ZNF385D: variants seen among roughly 807,000 people sequenced by gnomAD.
The protein encoded by ZNF385D is zinc finger protein 385D.
ZNF385D carries 15 observed loss-of-function variants against 35.8 expected under a neutral mutation model. That is an observed-to-expected ratio of 0.42 (90% CI 0.28 to 0.64). The LOEUF is 0.64. Ranked by LOEUF, ZNF385D falls within the 30% of genes least tolerant of loss-of-function variation. The pLI is 0.23. For synonymous variants in ZNF385D, 212 were observed against 186.8 expected, an observed-to-expected ratio of 1.13 and a Z score of -1.10; for missense variants, 474 against 494.6, an observed-to-expected ratio of 0.96 and a Z score of 0.39.
chr3:21,571,716 G>A (rs1206258622), intron 2 of ZNF385D, among the ~76,000 whole-genome samples: 1 of 152,060 alleles, frequency 6.6e-6, no homozygotes, highest in Non-Finnish European at 1.5e-5. Flanking sequence ...GGGCTCCCAT[G>A]CCCCCAACAG....
intron 3 of ZNF385D, chr3:22,133,903 G>T (rs1266327386): frequency 6.6e-6 from 1 of 150,478 alleles, no homozygotes; most frequent in Non-Finnish European, 1.5e-5. Flanking sequence ...AGATAATATT[G>T]CCAGAAAAAA....
At chr3:21,555,211 TGTA>T (rs1326027003) in intron 3 of ZNF385D, among the ~76,000 whole-genome samples, 3 of 147,152 alleles carry the variant, frequency 2.0e-5, no homozygotes, top group East Asian at 2.1e-4. Context: ...TACAGGCAAT[TGTA>T]GTTTTTTTTT....
At chr3:21,602,511 C>A (rs1340678165) in intron 2 of ZNF385D, among the ~76,000 whole-genome samples, 1 of 93,056 alleles carries the variant, frequency 1.1e-5, no homozygotes, top group African/African-American at 4.4e-5. Flanking sequence ...TGTTTCCCTG[C>A]ATTTTCTTTT....
chr3:21,754,699 CT>C (rs1036134985), upstream of ZNF385D, among the ~76,000 whole-genome samples: 2 of 151,974 alleles, frequency 1.3e-5, no homozygotes, highest in Admixed American at 1.3e-4. Flanking sequence ...TCCATGGCAA[CT>C]ATCATCATCT....
At chr3:22,126,011 T>G (rs1282277499) in intron 3 of ZNF385D, among the ~76,000 whole-genome samples, 1 of 152,106 alleles carries the variant, frequency 6.6e-6, no homozygotes, top group Non-Finnish European at 1.5e-5. Context: ...GAAAAAGCTT[T>G]TAATTTTTTT....
intron 3 of ZNF385D, among the ~76,000 whole-genome samples, chr3:22,001,831 CAT>C (rs1156865204): frequency 6.6e-6 from 1 of 151,632 alleles, no homozygotes; most frequent in African/African-American, 2.4e-5. Context: ...GAAAATTAAA[CAT>C]ATTCCTGAAT....
chr3:22,213,403 C>T (rs1697653017), intron 2 of ZNF385D, among the ~76,000 whole-genome samples: 1 of 152,010 alleles, frequency 6.6e-6, no homozygotes, highest in East Asian at 1.9e-4. Context: ...GTTTGTGGAT[C>T]TAAAGCAGAG....
intron 3 of ZNF385D, among the ~76,000 whole-genome samples, chr3:22,074,109 C>G (rs534368778): frequency 3.2e-4 from 49 of 151,784 alleles, no homozygotes; most frequent in African/African-American, 1.1e-3. Flanking sequence ...TACTTTTTTT[C>G]TTTTTCTGTG....
At chr3:22,067,597 A>C (rs927490233) in intron 3 of ZNF385D, among the ~76,000 whole-genome samples, 13 of 152,238 alleles carry the variant, frequency 8.5e-5, no homozygotes, top group African/African-American at 1.7e-4. Context: ...CAGAGGTGGT[A>C]CACTTCAATG....
chr3:22,033,227 C>T (rs145496076), intron 3 of ZNF385D, among the ~76,000 whole-genome samples: 10 of 151,764 alleles, frequency 6.6e-5, no homozygotes, highest in Non-Finnish European at 1.2e-4. Flanking sequence ...CATGGTGGAA[C>T]CCTGTCTCTA....
At chr3:21,614,818 A>G (rs2064797509) in intron 2 of ZNF385D, among the ~76,000 whole-genome samples, 1 of 152,016 alleles carries the variant, frequency 6.6e-6, no homozygotes, top group African/African-American at 2.4e-5. Flanking sequence ...CAAGCTCTTG[A>G]CCTCGTGATC....
chr3:21,874,914 C>T (rs1168843223), intron 3 of ZNF385D, among the ~76,000 whole-genome samples: 1 of 151,928 alleles, frequency 6.6e-6, no homozygotes, highest in Non-Finnish European at 1.5e-5. Context: ...TTTAGCAAAG[C>T]TTTATAGTTT....
At chr3:22,237,775 C>A (rs1699270736) in intron 2 of ZNF385D, among the ~76,000 whole-genome samples, 1 of 152,082 alleles carries the variant, frequency 6.6e-6, no homozygotes, top group South Asian at 2.1e-4. Flanking sequence ...TCCTGAGAAT[C>A]TGGGACTACA....
chr3:22,300,548 G>T (rs963149873), intron 2 of ZNF385D, among the ~76,000 whole-genome samples: 1 of 151,794 alleles, frequency 6.6e-6, no homozygotes, highest in Non-Finnish European at 1.5e-5. Context: ...CATCTGAAAA[G>T]AAGTTAGCAC....
At position 21,732,027 on chromosome 3, in the gene ZNF385D, GGGGTTTTTTTTTTTTTTTTTTT is replaced by G. The variant is rs1212188361; in HGVS notation, c.22+18846_22+18867del. On this transcript the variant is annotated intron_variant, in intron 1 of 7. Transcript: ENST00000281523. ...CTATTCAGGGTTTTTTTCTTTTTTC[GGGGTTTTTTTTTTTTTTTTTTT>G]TTTTTTTTTTTTTTTTTTTTGAGAA... Among the ~76,000 whole-genome samples the G allele has an allele frequency of 1.6e-3, 104 of 64,266 alleles. 16 individuals carry two copies. Among genetic ancestry groups the G allele is most frequent in the African/African-American group, 7.2e-3 (87 of 12,028 alleles). 42.2% of individuals were successfully genotyped at this position (64,266 alleles called of 152,430 possible). A position where few individuals can be genotyped will look rare whatever the true frequency, so the allele number is the denominator to read the frequency against.
rs1460488245 is a variant in ZNF385D at position 21,496,399 on chromosome 3, TAC to T, written c.439+14460_439+14461del. Among the ~76,000 whole-genome samples the T allele has an allele frequency of 5.5e-5, 8 of 146,054 alleles. No homozygotes were observed. In the South Asian group the frequency reaches 8.4e-4, roughly 15 times the overall value. On this transcript the variant is annotated intron_variant, in intron 4 of 7. Transcript: ENST00000281523. Reference sequence around the variant, plus strand: ...ATATATTTGATATATATATCATATATACACACATATATTTGATATATATATCA... The same window carrying T: ...ATATATTTGATATATATATCATATATACACATATATTTGATATATATATCA...
intron 4 of ZNF385D, among the ~76,000 whole-genome samples, chr3:21,507,591 C>T (rs1706877641): frequency 6.6e-6 from 1 of 152,074 alleles, no homozygotes; most frequent in Non-Finnish European, 1.5e-5. Context: ...AACTATTCTA[C>T]AAAATTAGCT....
chr3:22,216,113 A>T (rs1444355115), intron 2 of ZNF385D, among the ~76,000 whole-genome samples: 1 of 152,000 alleles, frequency 6.6e-6, no homozygotes, highest in Non-Finnish European at 1.5e-5. Context: ...TGTCTCTGTT[A>T]GTCCTTAAAA....
chr3:21,605,089 T>C (rs1266972071), intron 2 of ZNF385D, among the ~76,000 whole-genome samples: 2 of 152,146 alleles, frequency 1.3e-5, no homozygotes, highest in Non-Finnish European at 2.9e-5. Flanking sequence ...CACTTCTTAG[T>C]AGAAGAAATG....
Sources: gnomAD v4.1 joint callset for allele counts (sites outside exome capture counted in the v4.1 genomes callset) on GRCh38, gnomAD v4.1.1 for gene constraint, MANE v1.5 for transcripts, NCBI Gene and HGNC (gene_info 2026-07-23, HGNC 2026-07-21) for gene names.